Variants in ADNP2 observed in about 807,000 individuals in gnomAD.
ADNP2 encodes the protein activity-dependent neuroprotector homeobox protein 2.
Under a neutral mutation model 16.4 loss-of-function variants are expected in ADNP2, and 8 were observed. That is an observed-to-expected ratio of 0.49 (90% CI 0.29 to 0.88). The LOEUF is 0.88. Ranked by LOEUF, ADNP2 falls within the 40% of genes least tolerant of loss-of-function variation. The probability of loss-of-function intolerance (pLI) is 0.09; values close to 1 mark genes in which losing one functional copy is unlikely to be tolerated. For synonymous variants in ADNP2, 637 were observed against 545.8 expected (o/e 1.17, Z -2.33); for missense variants, 1,397 against 1,395.1 (o/e 1.00, Z -0.02).
intron 1 of ADNP2, among the ~76,000 whole-genome samples, chr18:80,111,155 T>A (rs749949500): frequency 5.9e-5 from 9 of 152,216 alleles, no homozygotes; most frequent in Non-Finnish European, 1.0e-4. Flanking sequence ...TCCCAGTGAT[T>A]TGAACCCAGA....
intron 2 of ADNP2, among the ~76,000 whole-genome samples, chr18:80,119,779 T>C (rs760456544): frequency 2.6e-5 from 4 of 152,184 alleles, no homozygotes; most frequent in Non-Finnish European, 5.9e-5. Flanking sequence ...GAAATTAACA[T>C]TGGATCTGGG....
At position 80,137,870 on chromosome 18, in the gene ADNP2, CT is replaced by C; in HGVS notation, c.2460del (p.His822ThrfsTer36). On this transcript the variant is annotated frameshift_variant, in exon 4 of 4. Transcript: ENST00000262198. LOFTEE classifies it low-confidence loss of function (END_TRUNC). This position sits in a 1 kb window ranked among gnomAD's most constrained non-coding sequence, Gnocchi z 4.2. ...ATGTCGATGCCAATGGCAACCTGCT[CT>C]TTCCCCACCTTGATTTCATCACCAT... The part of the protein sequence containing the change: ...LDVDANGNLL[F>X]PHLDFITILP... 1 of 1,614,136 alleles carries C rather than the reference CT, an allele frequency of 6.2e-7. No homozygotes were observed. Among genetic ancestry groups the C allele is most frequent in the Non-Finnish European group, 8.5e-7 (1 of 1,180,040 alleles).
rs143177864 is a variant in ADNP2 at position 80,136,490 on chromosome 18, C to T, written c.1077C>T (p.His359=). 2.9e-4 allele frequency: 472 copies of T among 1,614,186 alleles called. 2 individuals are homozygous for T. In the African/African-American group the frequency reaches 5.2e-3, roughly 18 times the overall value. ...CACCTCAGCCCGTCTTTCTTTCTCA[C>T]GGGGTTCCACTTCATCAGTCTGTGA... ...PPAPQPVFLS[H]GVPLHQSVNP... The change falls in exon 4 of 4, where the codon CAC becomes CAT. Residue 359 remains histidine, a synonymous_variant. Coordinates refer to ENST00000262198, the MANE Select transcript of ADNP2 (RefSeq NM_014913.4).
At chr18:80,127,543 C>A (rs552745470) in intron 2 of ADNP2, among the ~76,000 whole-genome samples, 1 of 151,932 alleles carries the variant, frequency 6.6e-6, no homozygotes, top group East Asian at 1.9e-4. Context: ...TCTCTCGTTG[C>A]GTTCATGTTG....
intron 2 of ADNP2, among the ~76,000 whole-genome samples, chr18:80,131,128 CA>C (rs1325358061): frequency 1.3e-5 from 2 of 152,208 alleles, no homozygotes; most frequent in Non-Finnish European, 2.9e-5. Context: ...CTTTGGAAGT[CA>C]GCCGTTGAAC....
chr18:80,134,274 G>A (rs959676624), intron 3 of ADNP2, among the ~76,000 whole-genome samples: 1 of 151,998 alleles, frequency 6.6e-6, no homozygotes, highest in Admixed American at 6.6e-5. Flanking sequence ...CAGGAGAATC[G>A]CTTGAACCGG....
intron 1 of ADNP2, among the ~76,000 whole-genome samples, chr18:80,114,528 A>G (rs960021751): frequency 6.6e-6 from 1 of 152,208 alleles, no homozygotes; most frequent in African/African-American, 2.4e-5. Context: ...TTGCCAAAAA[A>G]GTTGCCACAT....
chr18:80,115,622 T>TA (rs1415754078), intron 1 of ADNP2, among the ~76,000 whole-genome samples: 4 of 152,362 alleles, frequency 2.6e-5, no homozygotes, highest in African/African-American at 9.6e-5. Context: ...CAGCTTGAGA[T>TA]ATAATTTATG....
rs568648063 is a variant in ADNP2 at position 80,117,569 on chromosome 18, T to G, written c.27T>G (p.Leu9=). 1.3e-4 allele frequency: 200 copies of G among 1,595,252 alleles called. 6 individuals carry two copies. In the South Asian group the frequency reaches 2.1e-3, roughly 17 times the overall value. The part of the protein sequence containing the change: MFQIPVEN[L]DNIRKVRKKV... ...TGTTTCAAATTCCTGTGGAAAATCT[T>G]GACAACATCAGAAAGGTGCGAAAAA... is the stretch of plus-strand genomic sequence containing the variant. Residue 9 remains leucine (L), a synonymous_variant, in exon 2 of 4, where the codon CTT becomes CTG. Coordinates refer to ENST00000262198, the MANE Select transcript of ADNP2 (RefSeq NM_014913.4).
At position 80,139,481 on chromosome 18, in the gene ADNP2, CTGGT is replaced by C. The variant is rs1568417992; in HGVS notation, c.*673_*676del. The C allele has an allele frequency of 6.6e-6, 1 of 151,862 alleles. No individual in the cohort carries two copies. The highest frequency in any genetic ancestry group is 1.5e-5 in the Non-Finnish European group (1 of 67,938). 9.4% of individuals were successfully genotyped at this position (151,862 alleles called of 1,614,324 possible). ...TAGACTGAATTTGACATCTGGTATG[CTGGT>C]ATGTAGCTCATACATCAAGAGTTAT... On this transcript the variant is annotated 3_prime_UTR_variant, in exon 4 of 4. Coordinates refer to ENST00000262198, the MANE Select transcript of ADNP2 (RefSeq NM_014913.4).
intron 2 of ADNP2, among the ~76,000 whole-genome samples, chr18:80,125,316 C>A (rs2052450830): frequency 6.6e-6 from 1 of 151,962 alleles, no homozygotes. Flanking sequence ...GAGTTTTAGA[C>A]CAGCCGGGAC....
At chr18:80,122,055 G>A (rs1431445736) in intron 2 of ADNP2, among the ~76,000 whole-genome samples, 1 of 152,054 alleles carries the variant, frequency 6.6e-6, no homozygotes, top group East Asian at 1.9e-4. Flanking sequence ...GAGTAGCTGA[G>A]ATTACAGGTG....
At chr18:80,124,509 G>A (rs1243782324) in intron 2 of ADNP2, among the ~76,000 whole-genome samples, 1 of 152,204 alleles carries the variant, frequency 6.6e-6, no homozygotes, top group Non-Finnish European at 1.5e-5. Context: ...AGGTATAGGG[G>A]AAGGGACTAG....
chr18:80,138,446 G>C lies in ADNP2; in HGVS notation c.3033G>C (p.Val1011=). The C allele has an allele frequency of 6.2e-7, 1 of 1,614,106 alleles. No individual in the cohort carries two copies. Among genetic ancestry groups the C allele is most frequent in the Non-Finnish European group, 8.5e-7 (1 of 1,180,046 alleles). ...ATGCAGCCCCGGGTCCAGAAAAGGT[G>C]ACGAGTGTTGTGCCTTTTAAAAGAC... The part of the protein sequence containing the change: ...NADAAPGPEK[V]TSVVPFKRQR... The change falls in exon 4 of 4, where the codon GTG becomes GTC. Residue 1011 remains valine (V), a synonymous_variant. Transcript: ENST00000262198.
intron 1 of ADNP2, among the ~76,000 whole-genome samples, chr18:80,112,571 G>T (rs945020481): frequency 4.6e-5 from 7 of 152,024 alleles, no homozygotes; most frequent in Admixed American, 2.0e-4. Context: ...AGAATAAAAA[G>T]TTCCTATTTT....
At chr18:80,129,127 G>A (rs1172228616) in intron 2 of ADNP2, among the ~76,000 whole-genome samples, 2 of 124,600 alleles carry the variant, frequency 1.6e-5, no homozygotes, top group Non-Finnish European at 3.2e-5. Context: ...TTTTTGAGAT[G>A]GGGTCTCGCT....
chr18:80,136,447 T>A lies in ADNP2; in HGVS notation c.1034T>A (p.Leu345His). The A allele has an allele frequency of 6.2e-7, 1 of 1,613,746 alleles. No homozygotes were observed. Among genetic ancestry groups the A allele is most frequent in the Non-Finnish European group, 8.5e-7 (1 of 1,179,918 alleles). ...CCTCTGCCTGTGGGCCAGAACAGCC[T>A]CACCCTGCAGCCCCCAGCACCTCAG... is the stretch of plus-strand genomic sequence containing the variant. ...SSPLPVGQNS[L>H]TLQPPAPQPV... The change falls in exon 4 of 4, where the codon CTC becomes CAC. Residue 345 changes from leucine to histidine, a missense_variant. Around this residue, in one of 3 missense-constraint regions of ADNP2, gnomAD observed 777 missense variants for 719.4 expected, o/e 1.08. Coordinates refer to ENST00000262198, the MANE Select transcript of ADNP2 (RefSeq NM_014913.4).
rs139490981 is a variant in ADNP2 at position 80,137,867 on chromosome 18, G to C, written c.2454G>C (p.Leu818=). 14 of 1,613,948 alleles carry C rather than the reference G, an allele frequency of 8.7e-6. No individual in the cohort carries two copies. The African/African-American group carries it at 1.2e-4, about 14-fold the overall frequency. Residue 818 remains leucine, a synonymous_variant, in exon 4 of 4, where the codon CTG becomes CTC. Coordinates refer to ENST00000262198, the MANE Select transcript of ADNP2 (RefSeq NM_014913.4). The surrounding 1 kb of genome is among the most constrained non-coding windows in gnomAD (Gnocchi z 4.2). ...TAGATGTCGATGCCAATGGCAACCT[G>C]CTCTTTCCCCACCTTGATTTCATCA... is the stretch of plus-strand genomic sequence containing the variant. ...FQLDVDANGN[L]LFPHLDFITI... is the part of the protein sequence containing the mutation.
chr18:80,137,732 G>A lies in ADNP2; in HGVS notation c.2319G>A (p.Leu773=), dbSNP rs2052551428. ...TGCTGATGCATGGCTTGGGGTGCTT[G>A]TTCTGTCCATGCACCTTCCATGATA... The part of the protein sequence containing the change: ...HHLLMHGLGC[L]FCPCTFHDIK... Residue 773 remains leucine, a synonymous_variant, in exon 4 of 4, where the codon TTG becomes TTA. Transcript: ENST00000262198. This position sits in a 1 kb window ranked among gnomAD's most constrained non-coding sequence, Gnocchi z 4.2. The A allele has an allele frequency of 3.7e-6, 6 of 1,614,138 alleles. No homozygotes were observed. In the South Asian group the frequency reaches 5.5e-5, roughly 15 times the overall value.
Sources: allele counts gnomAD v4.1 joint callset (sites outside exome capture counted in the v4.1 genomes callset), GRCh38; gene constraint gnomAD v4.1.1; regional missense constraint gnomAD v4.1.1; non-coding constraint Gnocchi (gnomAD v3.1); transcripts MANE v1.5; gene names NCBI Gene and HGNC (gene_info 2026-07-23, HGNC 2026-07-21).